The following ADGRL3 variants were observed in gnomAD, a reference collection of about 807,000 sequenced individuals.
ADGRL3 encodes the protein adhesion G protein-coupled receptor L3, also known as calcium-independent alpha-latrotoxin receptor 3.
ADGRL3 carries 62 observed loss-of-function variants against 153.5 expected under a neutral mutation model. The ratio of observed to expected loss-of-function variants is 0.40; its 90% CI spans 0.33 to 0.50. ADGRL3 has a LOEUF of 0.50. Among genes scored for constraint, ADGRL3 ranks in the 20% least tolerant of loss-of-function variants. The pLI is 0.47. For missense variants in ADGRL3, 1,641 were observed against 1,859.4 expected, an observed-to-expected ratio of 0.88 and a Z score of 2.16; for synonymous variants, 710 against 672.5, an observed-to-expected ratio of 1.06 and a Z score of -0.86.
chr4:61,263,174 G>C (rs531374350), intron 1 of ADGRL3, among the ~76,000 whole-genome samples: 1 of 151,716 alleles, frequency 6.6e-6, no homozygotes, highest in Non-Finnish European at 1.5e-5. Context: ...TCAAATTTAC[G>C]TTTTGCTGTA....
intron 1 of ADGRL3, among the ~76,000 whole-genome samples, chr4:61,365,487 A>G (rs1308262667): frequency 3.9e-5 from 6 of 152,210 alleles, no homozygotes; most frequent in Non-Finnish European, 8.8e-5. Flanking sequence ...AGGGAAAGGT[A>G]TCTGCCTTGG....
At chr4:62,064,904 C>T (rs527740377) in intron 25 of ADGRL3, among the ~76,000 whole-genome samples, 22 of 152,044 alleles carry the variant, frequency 1.4e-4, no homozygotes, top group African/African-American at 2.9e-4. Context: ...ATAGGCAAGT[C>T]GTTTGTCAAT....
At chr4:62,008,727 ATG>A (rs1437178827) in intron 21 of ADGRL3, among the ~76,000 whole-genome samples, 1 of 151,478 alleles carries the variant, frequency 6.6e-6, no homozygotes, top group African/African-American at 2.4e-5. Context: ...GTATATATGC[ATG>A]TGTGTGTATA....
At chr4:61,484,259 A>G (rs142378419) in intron 2 of ADGRL3, among the ~76,000 whole-genome samples, 5 of 152,254 alleles carry the variant, frequency 3.3e-5, no homozygotes, top group Admixed American at 1.3e-4. Flanking sequence ...TGTTGGATCT[A>G]TTGCCATTTT....
rs1560622534 is a variant in ADGRL3 at position 61,432,573 on chromosome 4, C to CTTTCTTTCTTTCTTTCTTTTT, written c.-174+49384_-174+49385insTTTCTTTCTTTCTTTCTTTTT. 8.1e-3 allele frequency among the ~76,000 whole-genome samples: 290 copies of CTTTCTTTCTTTCTTTCTTTTT among 35,876 alleles called. 16 individuals are homozygous for CTTTCTTTCTTTCTTTCTTTTT. The highest frequency in any genetic ancestry group is 0.014 in the Non-Finnish European group (214 of 15,820). 23.5% of individuals were successfully genotyped at this position (35,876 alleles called of 152,430 possible). ...TTTATAGATTTCTTTTCTTTCTCTT[C>CTTTCTTTCTTTCTTTCTTTTT]CTTTCTTTCTTTCTTTCTTTCTTTC... is the stretch of plus-strand genomic sequence containing the variant. On this transcript the variant is annotated intron_variant, in intron 2 of 26. Coordinates refer to ENST00000683033, the MANE Select transcript of ADGRL3 (RefSeq NM_001387552.1).
At chr4:61,460,486 G>T (rs1331862308) in intron 2 of ADGRL3, among the ~76,000 whole-genome samples, 2 of 152,102 alleles carry the variant, frequency 1.3e-5, no homozygotes, top group African/African-American at 2.4e-5. Flanking sequence ...CATGTGGAAA[G>T]GTTGATTTCA....
chr4:62,009,500 T>C (rs2099174276), intron 21 of ADGRL3, among the ~76,000 whole-genome samples: 1 of 152,166 alleles, frequency 6.6e-6, no homozygotes, highest in Non-Finnish European at 1.5e-5. Flanking sequence ...CATTGTTATT[T>C]GTCAGAAATA....
chr4:61,725,763 T>TGACAGGGA (rs1227340300), intron 6 of ADGRL3, among the ~76,000 whole-genome samples: 1 of 61,892 alleles, frequency 1.6e-5, no homozygotes, highest in African/African-American at 1.1e-4. Context: ...ATGGATTTGA[T>TGACAGGGA]GAAAATGGAG....
intron 17 of ADGRL3, among the ~76,000 whole-genome samples, chr4:61,973,926 A>G (rs1253715550): frequency 6.6e-6 from 1 of 152,124 alleles, no homozygotes; most frequent in African/African-American, 2.4e-5. Flanking sequence ...AAAAGTTAAA[A>G]TCTGCTGTCT....
At chr4:61,777,097 G>A (rs558841511) in intron 8 of ADGRL3, among the ~76,000 whole-genome samples, 89 of 152,276 alleles carry the variant, frequency 5.8e-4, no homozygotes, top group African/African-American at 2.0e-3. Context: ...CACTTTGGGA[G>A]GCCGAGGTGG....
chr4:61,420,871 A>G (rs529353802), intron 2 of ADGRL3, among the ~76,000 whole-genome samples: 1 of 150,750 alleles, frequency 6.6e-6, no homozygotes, highest in African/African-American at 2.4e-5. Flanking sequence ...TATGACTTGT[A>G]TCAAAGAACA....
chr4:61,352,268 T>A (rs2096065450), intron 1 of ADGRL3, among the ~76,000 whole-genome samples: 1 of 152,190 alleles, frequency 6.6e-6, no homozygotes, highest in Non-Finnish European at 1.5e-5. Flanking sequence ...GCCAAAAGAT[T>A]ATAACTTGCT....
intron 8 of ADGRL3, among the ~76,000 whole-genome samples, chr4:61,799,201 A>C (rs1178104244): frequency 2.0e-5 from 3 of 151,594 alleles, no homozygotes; most frequent in Non-Finnish European, 4.4e-5. Flanking sequence ...TAAGTTTAGT[A>C]GCAAGAATGA....
intron 21 of ADGRL3, among the ~76,000 whole-genome samples, chr4:62,006,477 T>C (rs1451954437): frequency 6.6e-6 from 1 of 152,028 alleles, no homozygotes; most frequent in Non-Finnish European, 1.5e-5. Context: ...TTGTTTTTGT[T>C]TTTTTGCAAG....
intron 2 of ADGRL3, among the ~76,000 whole-genome samples, chr4:61,471,225 T>C (rs957486146): frequency 1.1e-4 from 16 of 151,974 alleles, no homozygotes; most frequent in African/African-American, 3.6e-4. Context: ...TTCAACAGTC[T>C]ATATTTTCCA....
chr4:61,686,234 A>G (rs1048897425), intron 6 of ADGRL3, among the ~76,000 whole-genome samples: 1 of 152,126 alleles, frequency 6.6e-6, no homozygotes, highest in African/African-American at 2.4e-5. Context: ...TTAAAAATAT[A>G]CCGCATACAA....
chr4:62,052,384 C>A (rs28688318), intron 25 of ADGRL3, among the ~76,000 whole-genome samples: 4,215 of 151,300 alleles, frequency 0.028, 204 homozygotes, highest in African/African-American at 0.098. Flanking sequence ...AAATTCCTTC[C>A]TGTACTATTC....
In ADGRL3 at chr4:61,934,950, G is replaced by A. The variant is rs776771089; in HGVS notation, c.2223G>A (p.Val741=). 5.6e-6 allele frequency: 9 copies of A among 1,613,728 alleles called. 1 individual carries two copies. The Middle Eastern group carries it at 4.9e-4, about 88-fold the overall frequency. ...CGGCCACCATGTTGCTTCATACTGTGGAGGAAAGTGCTTTTGTGCTGGCTG... is the reference window on the plus strand; with the variant it reads ...CGGCCACCATGTTGCTTCATACTGTAGAGGAAAGTGCTTTTGTGCTGGCTG... ...LRAATMLLHT[V]EESAFVLADN... The change falls in exon 14 of 27, where the codon GTG becomes GTA. Residue 741 remains valine, a synonymous_variant. Transcript: ENST00000683033.
chr4:61,765,641 A>G (rs529765983), intron 8 of ADGRL3, among the ~76,000 whole-genome samples: 1 of 152,240 alleles, frequency 6.6e-6, no homozygotes, highest in South Asian at 2.1e-4. Flanking sequence ...TATGTCTGAC[A>G]GAAGGGAATA....
Sources: gnomAD v4.1 joint callset for allele counts (sites outside exome capture counted in the v4.1 genomes callset) on GRCh38, gnomAD v4.1.1 for gene constraint, MANE v1.5 for transcripts, NCBI Gene and HGNC (gene_info 2026-07-23, HGNC 2026-07-21) for gene names.